Variants in GRID2 observed in about 807,000 individuals in gnomAD.
The protein encoded by GRID2 is glutamate ionotropic receptor delta type subunit 2.
Under a neutral mutation model 114.8 loss-of-function variants are expected in GRID2, and 33 were observed. The observed-to-expected ratio is 0.29, with a 90% CI of 0.22 to 0.38. The LOEUF (loss-of-function observed/expected upper bound fraction) is 0.38, where lower values mean the gene tolerates loss of function less well. Among genes scored for constraint, GRID2 ranks in the 10% least tolerant of loss-of-function variants. The pLI, the probability that GRID2 is intolerant of heterozygous loss-of-function variation, is 1.00. For missense variants in GRID2, 1,184 were observed against 1,257.7 expected, an observed-to-expected ratio of 0.94 and a Z score of 0.89; for synonymous variants, 505 against 449.9, an observed-to-expected ratio of 1.12 and a Z score of -1.55.
At position 92,734,697 on chromosome 4, in the gene GRID2, C is replaced by T. The variant is rs1334828392; in HGVS notation, c.244+144411C>T. The stretch of plus-strand genomic sequence containing the variant: ...TTAAATTTAGAACATTTTTTCTCTT[C>T]ATCTTCATCTTTTACAATATATGTA... On this transcript the variant is annotated intron_variant, in intron 2 of 15. Coordinates refer to ENST00000282020, the MANE Select transcript of GRID2 (RefSeq NM_001510.4). Among the ~76,000 whole-genome samples, 3 of 151,586 alleles carry T rather than the reference C, an allele frequency of 2.0e-5. No individual in the cohort carries two copies. The East Asian group carries it at 5.8e-4, about 29-fold the overall frequency.
rs185013781 is a variant in GRID2, at chr4:92,468,957, G to A, written c.89-121174G>A. On this transcript the variant is annotated intron_variant, in intron 1 of 15. Coordinates refer to ENST00000282020, the MANE Select transcript of GRID2 (RefSeq NM_001510.4). ...CACTGTGAAGAGAAGGGATTTTGGT[G>A]TTTGAGGAGTAGCAATCATGGACCA... 2.6e-5 allele frequency among the ~76,000 whole-genome samples: 4 copies of A among 152,278 alleles called. No homozygotes were observed. In the East Asian group the frequency reaches 5.8e-4, roughly 22 times the overall value.
intron 2 of GRID2, among the ~76,000 whole-genome samples, chr4:93,048,383 G>T (rs981958160): frequency 2.6e-5 from 4 of 151,772 alleles, no homozygotes; most frequent in Non-Finnish European, 4.4e-5. Context: ...TTCAGTGAGG[G>T]TCCTAGTCTG....
chr4:93,397,467 T>G (rs1765445471), intron 9 of GRID2, among the ~76,000 whole-genome samples: 1 of 152,002 alleles, frequency 6.6e-6, no homozygotes, highest in Non-Finnish European at 1.5e-5. Context: ...TGCTTTGTTT[T>G]CCTTTGAGAA....
intron 14 of GRID2, among the ~76,000 whole-genome samples, chr4:93,656,857 A>AAAAAAC (rs1553973735): frequency 3.2e-5 from 3 of 93,886 alleles, no homozygotes; most frequent in Non-Finnish European, 7.9e-5. Flanking sequence ...AAAAAAAAAA[A>AAAAAAC]CAAATAATTC....
chr4:93,668,834 A>G (rs947961096), intron 14 of GRID2, among the ~76,000 whole-genome samples: 12 of 152,102 alleles, frequency 7.9e-5, no homozygotes, highest in African/African-American at 2.9e-4. Flanking sequence ...GATATGTGCT[A>G]TAAAATTTAA....
At chr4:93,292,323 A>T (rs1579567476) in intron 8 of GRID2, among the ~76,000 whole-genome samples, 1 of 152,292 alleles carries the variant, frequency 6.6e-6, no homozygotes, top group South Asian at 2.1e-4. Context: ...CTGAGGAGGT[A>T]CTATGTGCTC....
chr4:93,042,850 T>C (rs1413468465), intron 2 of GRID2, among the ~76,000 whole-genome samples: 2 of 151,558 alleles, frequency 1.3e-5, no homozygotes, highest in African/African-American at 4.8e-5. Flanking sequence ...TTTACTTCAC[T>C]AGATATTAGG....
At chr4:92,530,264 G>A (rs1725268845) in intron 1 of GRID2, among the ~76,000 whole-genome samples, 1 of 151,884 alleles carries the variant, frequency 6.6e-6, no homozygotes, top group African/African-American at 2.4e-5. Context: ...TATTGACAGA[G>A]AATTTCAAAA....
At chr4:92,400,529 T>G (rs1393754420) in intron 1 of GRID2, among the ~76,000 whole-genome samples, 1 of 152,178 alleles carries the variant, frequency 6.6e-6, no homozygotes, top group Non-Finnish European at 1.5e-5. Flanking sequence ...TTGAGTTATT[T>G]CCCCTTAAGG....
At chr4:93,090,482 A>C (rs552300397) in intron 3 of GRID2, among the ~76,000 whole-genome samples, 2 of 152,150 alleles carry the variant, frequency 1.3e-5, no homozygotes, top group African/African-American at 4.8e-5. Flanking sequence ...ACCTGAATGA[A>C]TTCCAGAGCT....
intron 1 of GRID2, among the ~76,000 whole-genome samples, chr4:92,385,031 G>C (rs79186888): frequency 0.057 from 8,597 of 151,476 alleles, 807 homozygotes; most frequent in African/African-American, 0.2. Flanking sequence ...CATATAATTT[G>C]TCTTTTAAAA....
At chr4:93,305,440 A>G (rs1186062565) in intron 8 of GRID2, among the ~76,000 whole-genome samples, 1 of 152,200 alleles carries the variant, frequency 6.6e-6, no homozygotes, top group Non-Finnish European at 1.5e-5. Context: ...TGAAGGGGAT[A>G]GGAACCTCTG....
chr4:93,030,372 G>A (rs80151388), intron 2 of GRID2, among the ~76,000 whole-genome samples: 3,002 of 150,976 alleles, frequency 0.02, 41 homozygotes, highest in East Asian at 0.053. Flanking sequence ...GTTGATGCTC[G>A]TAGAGCTGCA....
chr4:92,674,322 A>AT (rs1733223433), intron 2 of GRID2, among the ~76,000 whole-genome samples: 2 of 151,654 alleles, frequency 1.3e-5, no homozygotes, highest in South Asian at 4.2e-4. Context: ...TTATGTATTT[A>AT]TTTTTTTCCT....
chr4:93,496,864 T>G (rs1053523704), intron 12 of GRID2, among the ~76,000 whole-genome samples: 2 of 151,868 alleles, frequency 1.3e-5, no homozygotes, highest in African/African-American at 4.8e-5. Flanking sequence ...TCTGTGGATT[T>G]TTTGTTTGTT....
At chr4:93,420,447 T>A (rs1315249031) in intron 9 of GRID2, among the ~76,000 whole-genome samples, 4 of 152,196 alleles carry the variant, frequency 2.6e-5, no homozygotes, top group African/African-American at 9.6e-5. Context: ...TTCTGCCAAT[T>A]GTGTAAAGTT....
chr4:93,166,233 C>G (rs181862840), intron 4 of GRID2: 53 of 152,262 alleles, frequency 3.5e-4, no homozygotes, highest in African/African-American at 1.1e-3. Flanking sequence ...TAGTATCTAT[C>G]TATTAAAGTG....
At chr4:93,620,682 C>A (rs1351384044) in intron 13 of GRID2, among the ~76,000 whole-genome samples, 1 of 152,230 alleles carries the variant, frequency 6.6e-6, no homozygotes, top group South Asian at 2.1e-4. Flanking sequence ...GCAAGAAATG[C>A]AAATATTCAA....
chr4:93,769,311 A>G lies in GRID2; in HGVS notation c.2462A>G (p.Gln821Arg). Residue 821 changes from glutamine to arginine, a missense_variant, in exon 15 of 16, where the codon CAG becomes CGG. Coordinates refer to ENST00000282020, the MANE Select transcript of GRID2 (RefSeq NM_001510.4). ...CDLYSSVDTK[Q>R]KGGALDIKSF... Reference sequence around the variant, plus strand: ...CTGTACTCGTCAGTGGACACAAAGCAGAAAGGAGGCGCCCTGGACATAAAG... The same window carrying G: ...CTGTACTCGTCAGTGGACACAAAGCGGAAAGGAGGCGCCCTGGACATAAAG... 6.2e-7 allele frequency: 1 copy of G among 1,614,164 alleles called. No homozygotes were observed. Among genetic ancestry groups the G allele is most frequent in the South Asian group, 1.1e-5 (1 of 91,084 alleles).
Sources: gnomAD v4.1 joint callset for allele counts (sites outside exome capture counted in the v4.1 genomes callset) on GRCh38, gnomAD v4.1.1 for gene constraint, MANE v1.5 for transcripts, NCBI Gene and HGNC (gene_info 2026-07-23, HGNC 2026-07-21) for gene names.